The following SLIT2 variants were observed in gnomAD, a reference collection of about 807,000 sequenced individuals.
SLIT2 encodes slit guidance ligand 2.
A neutral mutation model predicts 185.7 loss-of-function variants in SLIT2; 41 were observed. The ratio of observed to expected loss-of-function variants is 0.22; its 90% CI spans 0.17 to 0.29. The LOEUF is 0.29. Among genes scored for constraint, SLIT2 ranks in the 10% least tolerant of loss-of-function variants. SLIT2 has a pLI of 1.00. For missense variants in SLIT2, 1,571 were observed against 1,909.0 expected, an observed-to-expected ratio of 0.82 and a Z score of 3.30; for synonymous variants, 693 against 680.2, an observed-to-expected ratio of 1.02 and a Z score of -0.29.
At chr4:20,329,259 C>T (rs144228965) in intron 4 of SLIT2, among the ~76,000 whole-genome samples, 7 of 152,040 alleles carry the variant, frequency 4.6e-5, no homozygotes, top group African/African-American at 1.7e-4. Flanking sequence ...AGGAAATTTA[C>T]AGTCCATCAA....
intron 30 of SLIT2, among the ~76,000 whole-genome samples, chr4:20,593,200 C>T (rs899892332): frequency 5.3e-5 from 8 of 151,996 alleles, no homozygotes; most frequent in East Asian, 3.8e-4. Flanking sequence ...ATTTATAGAA[C>T]GTGCATTATA....
chr4:20,577,708 A>C (rs949690328), intron 29 of SLIT2, among the ~76,000 whole-genome samples: 1 of 152,224 alleles, frequency 6.6e-6, no homozygotes, highest in Non-Finnish European at 1.5e-5. Flanking sequence ...CCTGTGCTAT[A>C]GATCATCAGT....
chr4:20,572,527 T>G (rs1386125842), intron 29 of SLIT2, among the ~76,000 whole-genome samples: 1 of 152,174 alleles, frequency 6.6e-6, no homozygotes, highest in East Asian at 1.9e-4. Flanking sequence ...GAGCTAAATT[T>G]CCAAGGAATT....
At chr4:20,540,706 C>G (rs991538664) in intron 19 of SLIT2, among the ~76,000 whole-genome samples, 3 of 152,030 alleles carry the variant, frequency 2.0e-5, no homozygotes, top group Non-Finnish European at 4.4e-5. Flanking sequence ...GTTCATAGCT[C>G]AAGTCAGTGA....
rs186660514 is a variant in SLIT2, at chr4:20,574,776, G to C, written c.3088+5772G>C. Among the ~76,000 whole-genome samples, 320 of 127,292 alleles carry C rather than the reference G, an allele frequency of 2.5e-3. 3 individuals are homozygous for C. The highest frequency in any genetic ancestry group is 9.2e-3 in the African/African-American group (304 of 33,160). 83.5% of individuals were successfully genotyped at this position (127,292 alleles called of 152,430 possible). A position where few individuals can be genotyped will look rare whatever the true frequency, so the allele number is the denominator to read the frequency against. The stretch of plus-strand genomic sequence containing the variant: ...CACTGCAGCCTGGGCAAGAGAGTGA[G>C]ACTCGCTTTCAAAAAAAAAAAAAAA... On this transcript the variant is annotated intron_variant, in intron 29 of 36. Coordinates refer to ENST00000504154, the MANE Select transcript of SLIT2 (RefSeq NM_004787.4).
At chr4:20,319,997 T>A (rs78794149) in intron 4 of SLIT2, among the ~76,000 whole-genome samples, 4,379 of 152,168 alleles carry the variant, frequency 0.029, 178 homozygotes, top group East Asian at 0.13. Flanking sequence ...CTGATCCTCA[T>A]CAGTGATCAA....
At chr4:20,568,444 T>A (rs1725286184) in intron 28 of SLIT2, among the ~76,000 whole-genome samples, 1 of 151,954 alleles carries the variant, frequency 6.6e-6, no homozygotes, top group Admixed American at 6.6e-5. Flanking sequence ...ACATTATAAG[T>A]ATGTTAGTAG....
intron 4 of SLIT2, among the ~76,000 whole-genome samples, chr4:20,345,289 G>C (rs1330213372): frequency 6.6e-6 from 1 of 152,008 alleles, no homozygotes; most frequent in Non-Finnish European, 1.5e-5. Flanking sequence ...GGTCTGTGCT[G>C]ATATATTTTT....
At chr4:20,550,744 T>G in intron 24 of SLIT2, 83 bp from the exon 25 acceptor site, 1 of 802,268 alleles carries the variant, frequency 1.2e-6, no homozygotes. Flanking sequence ...AAATGCTTAT[T>G]ATAAACTAAA....
chr4:20,436,531 G>A (rs1430368688), intron 4 of SLIT2, among the ~76,000 whole-genome samples: 2 of 152,150 alleles, frequency 1.3e-5, no homozygotes, highest in Admixed American at 1.3e-4. Flanking sequence ...ACTGGAAAAT[G>A]TTGCACTTTT....
intron 4 of SLIT2, among the ~76,000 whole-genome samples, chr4:20,290,536 G>A (rs775951477): frequency 3.3e-5 from 5 of 152,158 alleles, no homozygotes; most frequent in Non-Finnish European, 7.4e-5. Context: ...TTAGCCTAGA[G>A]CACGGGGTCC....
intron 3 of SLIT2, among the ~76,000 whole-genome samples, chr4:20,262,860 C>T (rs1712631676): frequency 6.6e-6 from 1 of 151,866 alleles, no homozygotes. Flanking sequence ...GAGAATTTCT[C>T]ATGCAACAGT....
At chr4:20,559,477 GTTTCATTGTC>G in intron 26 of SLIT2, among the ~76,000 whole-genome samples, 1 of 152,026 alleles carries the variant, frequency 6.6e-6, no homozygotes, top group South Asian at 2.1e-4. Flanking sequence ...CTATTTTGAA[GTTTCATTGTC>G]CTATTAATGA....
At chr4:20,260,878 C>A (rs968843249) in intron 3 of SLIT2, among the ~76,000 whole-genome samples, 1 of 151,616 alleles carries the variant, frequency 6.6e-6, no homozygotes, top group African/African-American at 2.4e-5. Context: ...CTCCTCCTCT[C>A]CCTCACCTCC....
At chr4:20,514,115 G>C (rs1427397302) in intron 11 of SLIT2, among the ~76,000 whole-genome samples, 1 of 152,084 alleles carries the variant, frequency 6.6e-6, no homozygotes, top group East Asian at 1.9e-4. Flanking sequence ...CAGAGTACTT[G>C]GGAGTATGTA....
chr4:20,377,808 T>A (rs911656341), intron 4 of SLIT2, among the ~76,000 whole-genome samples: 3 of 152,152 alleles, frequency 2.0e-5, no homozygotes, highest in Non-Finnish European at 4.4e-5. Context: ...GTCCTGCCCA[T>A]ATCTAATAGG....
intron 22 of SLIT2, among the ~76,000 whole-genome samples, 158 bp from the exon 23 acceptor site, chr4:20,548,330 T>C (rs1723436728): frequency 6.6e-6 from 1 of 152,150 alleles, no homozygotes; most frequent in Admixed American, 6.6e-5. Flanking sequence ...AACATTGCAA[T>C]CTACTCCAGT....
chr4:20,541,693 A>C, intron 20 of SLIT2, 74 bp downstream of exon 20: 1 of 1,303,000 alleles, frequency 7.7e-7, no homozygotes, highest in Non-Finnish European at 1.1e-6. Flanking sequence ...GCACAAATCT[A>C]CAGCATAGTT....
chr4:20,265,305 G>A (rs1348906495), intron 3 of SLIT2, among the ~76,000 whole-genome samples: 3 of 151,746 alleles, frequency 2.0e-5, no homozygotes, highest in Non-Finnish European at 2.9e-5. Flanking sequence ...TTGCACAGGC[G>A]GCTATCCTTT....
Sources: gnomAD v4.1 joint callset for allele counts (sites outside exome capture counted in the v4.1 genomes callset) on GRCh38, gnomAD v4.1.1 for gene constraint, MANE v1.5 for transcripts, NCBI Gene and HGNC (gene_info 2026-07-23, HGNC 2026-07-21) for gene names.